The following ERLEC1 variants were observed in gnomAD, a reference collection of about 807,000 sequenced individuals.
ERLEC1 encodes ER lectin.
In ERLEC1, 47 loss-of-function variants were observed where a neutral mutation model predicts 68.0. The observed-to-expected ratio is 0.69, with a 90% CI of 0.55 to 0.88. The LOEUF (loss-of-function observed/expected upper bound fraction) is 0.88. Among genes scored for constraint, ERLEC1 ranks in the 40% least tolerant of loss-of-function variants. ERLEC1 has a pLI of 0.00. For synonymous variants in ERLEC1, 225 were observed against 203.2 expected (o/e 1.11, Z -0.91); for missense variants, 567 against 583.8 (o/e 0.97, Z 0.30).
At chr2:53,808,919 G>A (rs931012526) in intron 9 of ERLEC1, among the ~76,000 whole-genome samples, 7 of 152,062 alleles carry the variant, frequency 4.6e-5, no homozygotes, top group African/African-American at 7.2e-5. Context: ...GTGAGCCACC[G>A]CACCTGGCCA....
intron 1 of ERLEC1, among the ~76,000 whole-genome samples, chr2:53,794,122 A>G (rs1285653924): frequency 6.6e-6 from 1 of 152,274 alleles, no homozygotes; most frequent in Middle Eastern, 3.4e-3. Context: ...AGAAGCTCAG[A>G]CTTCATCATC....
intron 1 of ERLEC1, among the ~76,000 whole-genome samples, chr2:53,789,254 C>T (rs946686960): frequency 2.6e-5 from 4 of 151,810 alleles, no homozygotes; most frequent in African/African-American, 7.3e-5. Context: ...ATTAGCTGGG[C>T]GTGGTGGTGC....
chr2:53,799,122 T>C, intron 6 of ERLEC1, 41 bp downstream of exon 6: 1 of 1,559,290 alleles, frequency 6.4e-7, no homozygotes, highest in Non-Finnish European at 8.8e-7. Flanking sequence ...TAACACTTAT[T>C]GTTAGTGAGG....
At chr2:53,816,604 A>C (rs1385722419) in intron 13 of ERLEC1, among the ~76,000 whole-genome samples, 1 of 151,946 alleles carries the variant, frequency 6.6e-6, no homozygotes, top group African/African-American at 2.4e-5. Context: ...GTGAATGAAA[A>C]ATTTTTATTT....
At chr2:53,804,717 C>T (rs1049340286) in intron 8 of ERLEC1, among the ~76,000 whole-genome samples, 2 of 152,216 alleles carry the variant, frequency 1.3e-5, no homozygotes, top group Middle Eastern at 3.4e-3. Flanking sequence ...ACTATAGTCA[C>T]CCTGTTGTTC....
chr2:53,797,904 A>C, intron 5 of ERLEC1, 109 bp downstream of exon 5: 1 of 1,019,494 alleles, frequency 9.8e-7, no homozygotes, highest in South Asian at 1.3e-5. Flanking sequence ...GAATTTTAAA[A>C]TACTGAAATA....
intron 8 of ERLEC1, among the ~76,000 whole-genome samples, chr2:53,807,218 A>G (rs1188081840): frequency 6.6e-6 from 1 of 152,200 alleles, no homozygotes; most frequent in Non-Finnish European, 1.5e-5. Context: ...CTCTTCCTCA[A>G]GTCTATATGC....
At chr2:53,792,429 T>G (rs1396148811) in intron 1 of ERLEC1, among the ~76,000 whole-genome samples, 1 of 152,194 alleles carries the variant, frequency 6.6e-6, no homozygotes, top group Non-Finnish European at 1.5e-5. Context: ...GCTCACAGAA[T>G]ATGGAGCCAA....
chr2:53,787,428 C>T (rs1675109834), intron 1 of ERLEC1, 56 bp downstream of exon 1: 1 of 1,534,596 alleles, frequency 6.5e-7, no homozygotes, highest in African/African-American at 1.4e-5. Flanking sequence ...AAGGGTTCGG[C>T]CTCTTCCCTC....
chr2:53,794,618 T>C (rs1380644076), intron 2 of ERLEC1, among the ~76,000 whole-genome samples, 169 bp downstream of exon 2: 3 of 152,200 alleles, frequency 2.0e-5, no homozygotes, highest in Non-Finnish European at 2.9e-5. Flanking sequence ...TTTTGCAGTT[T>C]ATCTTGGGAA....
rs1333680934 is a variant in ERLEC1, at chr2:53,801,549, A to G, written c.678A>G (p.Val226=). 1 of 1,614,058 alleles carries G rather than the reference A, an allele frequency of 6.2e-7. No homozygotes were observed. The highest frequency in any genetic ancestry group is 1.7e-5 in the Admixed American group (1 of 60,000). The change falls in exon 7 of 14, where the codon GTA becomes GTG. Residue 226 remains valine (V), a synonymous_variant. Coordinates refer to ENST00000185150, the MANE Select transcript of ERLEC1 (RefSeq NM_015701.5). The part of the protein sequence containing the change: ...HPESKHEILS[V]AEVTTCEYEV... Reference sequence around the variant, plus strand: ...AATCTAAGCATGAAATTCTTTCAGTAGCTGAAGTTACAACTTGTGAATATG... The same window carrying G: ...AATCTAAGCATGAAATTCTTTCAGTGGCTGAAGTTACAACTTGTGAATATG...
chr2:53,788,783 A>G (rs980569065), intron 1 of ERLEC1: 1 of 152,142 alleles, frequency 6.6e-6, no homozygotes, highest in East Asian at 1.9e-4. Flanking sequence ...TACCTATGTA[A>G]AATTTTGTTA....
intron 3 of ERLEC1, among the ~76,000 whole-genome samples, chr2:53,797,028 G>A (rs2949811): frequency 0.52 from 78,341 of 151,390 alleles, 20,657 homozygotes; most frequent in East Asian, 0.62. Context: ...AGTAGCTAGG[G>A]TTACACACAC....
rs774641030 is a variant in ERLEC1, at chr2:53,797,815, T to A, written c.490+20T>A. 1 of 1,596,888 alleles carries A rather than the reference T, an allele frequency of 6.3e-7. No homozygotes were observed. The highest frequency in any genetic ancestry group is 2.2e-5 in the East Asian group (1 of 44,746). ...AAAAAGGTTGGTGTCTACCCAGTGA[T>A]TTGACAGTAATGCTGGAATTTGGTT... On this transcript the variant is annotated intron_variant, in intron 5 of 13. Transcript: ENST00000185150.
intron 8 of ERLEC1, among the ~76,000 whole-genome samples, chr2:53,804,622 C>A (rs1676180883): frequency 6.6e-6 from 1 of 152,136 alleles, no homozygotes; most frequent in African/African-American, 2.4e-5. Flanking sequence ...ATAATAATCA[C>A]ATCTTGGAGA....
At position 53,817,886 on chromosome 2, in the gene ERLEC1, G is replaced by C. The variant is rs1420096825; in HGVS notation, c.1381-12G>C. 3 of 1,588,236 alleles carry C rather than the reference G, an allele frequency of 1.9e-6. No homozygotes were observed. The highest frequency in any genetic ancestry group is 1.7e-5 in the Admixed American group (1 of 59,930). On this transcript the variant is annotated splice_polypyrimidine_tract_variant and intron_variant, in intron 13 of 13. Coordinates refer to ENST00000185150, the MANE Select transcript of ERLEC1 (RefSeq NM_015701.5). ...TTAGCAACTTTTTAATGGCTTTGTT[G>C]TTCTTCTTTAGGTTGAATCTCCAGT...
chr2:53,794,518 A>G, intron 2 of ERLEC1, 69 bp downstream of exon 2: 1 of 699,522 alleles, frequency 1.4e-6, no homozygotes, highest in Non-Finnish European at 2.4e-6. Context: ...GTAACTACAT[A>G]CTTTGAAGTA....
intron 6 of ERLEC1, among the ~76,000 whole-genome samples, 189 bp from the exon 7 acceptor site, chr2:53,801,208 A>C (rs1410953689): frequency 6.6e-6 from 1 of 152,236 alleles, no homozygotes; most frequent in Non-Finnish European, 1.5e-5. Flanking sequence ...CTGAAAATAC[A>C]TATTTGCTCA....
At chr2:53,801,364 T>C (rs1448880202) in intron 6 of ERLEC1, 33 bp from the exon 7 acceptor site, 6 of 1,563,250 alleles carry the variant, frequency 3.8e-6, no homozygotes, top group Non-Finnish European at 5.3e-6. Flanking sequence ...CCATGTCTAA[T>C]GAAAAGTCTG....
Sources: gnomAD v4.1 joint callset for allele counts (sites outside exome capture counted in the v4.1 genomes callset) on GRCh38, gnomAD v4.1.1 for gene constraint, MANE v1.5 for transcripts, NCBI Gene and HGNC (gene_info 2026-07-23, HGNC 2026-07-21) for gene names.